The following F2R variants were observed in gnomAD, a reference collection of about 807,000 sequenced individuals.
F2R encodes proteinase-activated receptor 1.
A neutral mutation model predicts 18.3 loss-of-function variants in F2R; 12 were observed. The ratio of observed to expected loss-of-function variants is 0.66; its 90% CI spans 0.42 to 1.06. The LOEUF (loss-of-function observed/expected upper bound fraction) is 1.06. F2R is among the 50% of genes least tolerant of loss of function. The pLI is 0.00. For missense variants in F2R, 438 were observed against 530.8 expected, an observed-to-expected ratio of 0.83 and a Z score of 1.72; for synonymous variants, 210 against 219.9, an observed-to-expected ratio of 0.95 and a Z score of 0.40.
chr5:76,719,479 C>T (rs1748406489), intron 1 of F2R, among the ~76,000 whole-genome samples: 1 of 152,136 alleles, frequency 6.6e-6, no homozygotes. Context: ...GTCACAGCTA[C>T]TTGGGAGGCT....
At chr5:76,729,399 G>A (rs1201410896) in intron 1 of F2R, among the ~76,000 whole-genome samples, 4 of 152,060 alleles carry the variant, frequency 2.6e-5, no homozygotes, top group Admixed American at 2.6e-4. Flanking sequence ...ATATATTTTG[G>A]ATATTAACCC....
intron 1 of F2R, among the ~76,000 whole-genome samples, chr5:76,727,740 G>C (rs548010213): frequency 6.2e-5 from 9 of 145,772 alleles, no homozygotes; most frequent in Non-Finnish European, 1.4e-4. Flanking sequence ...CCTATTTTCA[G>C]TTCATTTCTA....
chr5:76,716,489 A>C (rs1403782274), intron 1 of F2R, 94 bp downstream of exon 1: 3 of 1,119,142 alleles, frequency 2.7e-6, no homozygotes, highest in Admixed American at 6.7e-5. Context: ...CCCCTGCCTC[A>C]GTTTCCTCCG....
intron 1 of F2R, among the ~76,000 whole-genome samples, chr5:76,719,230 A>C (rs2227824): frequency 6.6e-6 from 1 of 152,362 alleles, no homozygotes; most frequent in Non-Finnish European, 1.5e-5. Context: ...CTTTGAGTAG[A>C]TGTCATCCTC....
At chr5:76,716,511 GGCA>G in intron 1 of F2R, 116 bp downstream of exon 1, 1 of 924,848 alleles carries the variant, frequency 1.1e-6, no homozygotes, top group Non-Finnish European at 1.5e-6. Context: ...AAGCCAAACT[GGCA>G]TTTGGGCTGA....
chr5:76,733,307 G>A lies in F2R; in HGVS notation c.1082G>A (p.Ser361Asn). Residue 361 changes from serine to asparagine, a missense_variant, in exon 2 of 2, where the codon AGC becomes AAC. Coordinates refer to ENST00000319211, the MANE Select transcript of F2R (RefSeq NM_001992.5). ...TACCTCCTCTGTGTCTGTGTCAGCAGCATAAGCTGCTGCATCGACCCCCTA... is the reference window on the plus strand; with the variant it reads ...TACCTCCTCTGTGTCTGTGTCAGCAACATAAGCTGCTGCATCGACCCCCTA... ...FAYLLCVCVS[S>N]ISCCIDPLIY... The A allele has an allele frequency of 6.2e-7, 1 of 1,614,194 alleles. No individual in the cohort carries two copies.
chr5:76,732,186 G>A (rs1339862698), intron 1 of F2R, 128 bp from the exon 2 acceptor site: 2 of 674,956 alleles, frequency 3.0e-6, no homozygotes, highest in Non-Finnish European at 4.9e-6. Context: ...TGCATTATCT[G>A]CTCTTTACCA....
At chr5:76,722,700 C>A (rs1347140101) in intron 1 of F2R, among the ~76,000 whole-genome samples, 2 of 152,158 alleles carry the variant, frequency 1.3e-5, no homozygotes, top group Non-Finnish European at 2.9e-5. Context: ...TGCCTGTAAT[C>A]CCAGCACTTT....
intron 1 of F2R, among the ~76,000 whole-genome samples, chr5:76,723,120 A>C (rs1448312661): frequency 6.6e-6 from 1 of 152,272 alleles, no homozygotes; most frequent in Admixed American, 6.5e-5. Flanking sequence ...GTAAGGACCA[A>C]GTTGTTGGCA....
In F2R at chr5:76,732,867, T is replaced by C. The variant is rs368095355; in HGVS notation, c.642T>C (p.Arg214=). The part of the protein sequence containing the change: ...VVYPMQSLSW[R]TLGRASFTCL... ...ATCCCATGCAGTCCCTCTCCTGGCG[T>C]ACTCTGGGAAGGGCTTCCTTCACTT... Residue 214 remains arginine (R), a synonymous_variant, in exon 2 of 2, where the codon CGT becomes CGC. Coordinates refer to ENST00000319211, the MANE Select transcript of F2R (RefSeq NM_001992.5). The C allele has an allele frequency of 2.1e-5, 34 of 1,614,214 alleles. No individual in the cohort carries two copies. Among genetic ancestry groups the C allele is most frequent in the Non-Finnish European group, 2.9e-5 (34 of 1,180,036 alleles).
At chr5:76,725,137 T>G (rs1002032094) in intron 1 of F2R, among the ~76,000 whole-genome samples, 3 of 152,218 alleles carry the variant, frequency 2.0e-5, no homozygotes, top group Non-Finnish European at 4.4e-5. Flanking sequence ...AATGCTGGTG[T>G]GGTATAAATC....
chr5:76,724,486 T>C (rs1359905723), intron 1 of F2R, among the ~76,000 whole-genome samples: 5 of 152,326 alleles, frequency 3.3e-5, no homozygotes, highest in Admixed American at 6.5e-5. Context: ...GGTCCACCAT[T>C]ACATTTTAAT....
At chr5:76,718,940 C>T (rs1030396607) in intron 1 of F2R, among the ~76,000 whole-genome samples, 3 of 152,122 alleles carry the variant, frequency 2.0e-5, no homozygotes, top group Admixed American at 6.5e-5. Flanking sequence ...TGAAGTGCTC[C>T]TCCCCTTGCA....
At chr5:76,722,569 T>C (rs58306316) in intron 1 of F2R, among the ~76,000 whole-genome samples, 1 of 152,338 alleles carries the variant, frequency 6.6e-6, no homozygotes, top group East Asian at 1.9e-4. Context: ...TTTCCTATGC[T>C]TCCAGAGGAG....
rs1256790163 is a variant in F2R at position 76,734,210 on chromosome 5, C to A, written c.*707C>A. On this transcript the variant is annotated 3_prime_UTR_variant, in exon 2 of 2. Coordinates refer to ENST00000319211, the MANE Select transcript of F2R (RefSeq NM_001992.5). ...ACATTTTACACACTGTACACATAAG[C>A]CAAAACTGAGCATAAGTCCTCTAGT... is the stretch of plus-strand genomic sequence containing the variant. 2.6e-5 allele frequency: 4 copies of A among 152,298 alleles called. No individual in the cohort carries two copies. In the East Asian group the frequency reaches 7.5e-4, roughly 29 times the overall value. 9.4% of individuals were successfully genotyped at this position (152,298 alleles called of 1,614,324 possible).
Position 76,732,546 on chromosome 5 carries a change from T to C in F2R, c.321T>C (p.Ser107=). 1.9e-6 allele frequency: 3 copies of C among 1,614,230 alleles called. No individual in the cohort carries two copies. In the East Asian group the frequency reaches 6.7e-5, roughly 36 times the overall value. The change falls in exon 2 of 2, where the codon TCT becomes TCC. Residue 107 remains serine (S), a synonymous_variant. Transcript: ENST00000319211. ...TSSWLTLFVP[S]VYTGVFVVSL... is the part of the protein sequence containing the mutation. ...CCTGGCTGACACTCTTTGTCCCATCTGTGTACACCGGAGTGTTTGTAGTCA... is the reference window on the plus strand; with the variant it reads ...CCTGGCTGACACTCTTTGTCCCATCCGTGTACACCGGAGTGTTTGTAGTCA...
rs781233317 is a variant in F2R, at chr5:76,732,362, G to A, written c.137G>A (p.Arg46Lys). The change falls in exon 2 of 2, where the codon AGG becomes AAG. Residue 46 changes from arginine to lysine, a missense_variant. Physicochemically the swap from Arg to Lys is conservative, Grantham distance 26. Coordinates refer to ENST00000319211, the MANE Select transcript of F2R (RefSeq NM_001992.5). ...ATLDPRSFLL[R>K]NPNDKYEPFW... ...TTAGATCCCCGGTCATTTCTTCTCA[G>A]GAACCCCAATGATAAATATGAACCA... 1 of 1,613,176 alleles carries A rather than the reference G, an allele frequency of 6.2e-7. No individual in the cohort carries two copies. The highest frequency in any genetic ancestry group is 8.5e-7 in the Non-Finnish European group (1 of 1,179,814).
At position 76,733,701 on chromosome 5, in the gene F2R, GT is replaced by G. The variant is rs1413757321; in HGVS notation, c.*200del. 8 of 573,342 alleles carry G rather than the reference GT, an allele frequency of 1.4e-5. No homozygotes were observed. Among genetic ancestry groups the G allele is most frequent in the Non-Finnish European group, 2.2e-5 (7 of 324,760 alleles). The allele number at this position is 573,342 out of a possible 1,614,324, so 35.5% of individuals were successfully genotyped here. ...AAAGATAACAGGACGAGATGACGGT[GT>G]TATTCCAAGGGAATATTGCCAATGC... is the stretch of plus-strand genomic sequence containing the variant. On this transcript the variant is annotated 3_prime_UTR_variant, in exon 2 of 2. Transcript: ENST00000319211.
chr5:76,727,284 G>C lies in F2R; in HGVS notation c.89-5030G>C, dbSNP rs2227783. 3.9e-3 allele frequency among the ~76,000 whole-genome samples: 593 copies of C among 152,294 alleles called. 2 individuals are homozygous for C. Among genetic ancestry groups the C allele is most frequent in the African/African-American group, 0.013 (539 of 41,542 alleles). ...GATGCTCCAGTTGCCAGATTTGTAG[G>C]CCAGACAGGAATTAGAATTCCATTT... On this transcript the variant is annotated intron_variant, in intron 1 of 1. Coordinates refer to ENST00000319211, the MANE Select transcript of F2R (RefSeq NM_001992.5).
Sources: gnomAD v4.1 joint callset for allele counts (sites outside exome capture counted in the v4.1 genomes callset) on GRCh38, gnomAD v4.1.1 for gene constraint, MANE v1.5 for transcripts, NCBI Gene and HGNC (gene_info 2026-07-23, HGNC 2026-07-21) for gene names.